Variants in RNF149 observed in about 807,000 individuals in gnomAD.
RNF149 encodes E3 ubiquitin-protein ligase RNF149.
RNF149 carries 21 observed loss-of-function variants against 39.0 expected under a neutral mutation model. That is an observed-to-expected ratio of 0.54 (90% CI 0.38 to 0.77). The LOEUF (loss-of-function observed/expected upper bound fraction) is 0.77. Among genes scored for constraint, RNF149 ranks in the 30% least tolerant of loss-of-function variants. The pLI is 0.00. For synonymous variants in RNF149, 209 were observed against 213.6 expected, an observed-to-expected ratio of 0.98 and a Z score of 0.19; for missense variants, 493 against 534.9, an observed-to-expected ratio of 0.92 and a Z score of 0.77.
intron 5 of RNF149, among the ~76,000 whole-genome samples, chr2:101,282,937 C>T (rs572601068): frequency 6.6e-6 from 1 of 152,262 alleles, no homozygotes; most frequent in East Asian, 1.9e-4. Context: ...TCCTGACACA[C>T]CAAGCAACAA....
chr2:101,274,864 G>A (rs900861080), downstream of RNF149, among the ~76,000 whole-genome samples: 4 of 152,062 alleles, frequency 2.6e-5, no homozygotes, highest in Non-Finnish European at 4.4e-5. Flanking sequence ...TCGGCTCACC[G>A]CAACCTCTGC....
chr2:101,277,026 ACT>A lies in RNF149; in HGVS notation c.*210_*211del, dbSNP rs1682370696. On this transcript the variant is annotated 3_prime_UTR_variant, in exon 7 of 7. Transcript: ENST00000295317. Reference sequence around the variant, plus strand: ...AAGCAACACACTGTTCATGGTAAACACTCTATTTTAGTAGATAAATATATGAG... The same window carrying A: ...AAGCAACACACTGTTCATGGTAAACACTATTTTAGTAGATAAATATATGAG... 6 of 1,312,342 alleles carry A rather than the reference ACT, an allele frequency of 4.6e-6. No homozygotes were observed. In the South Asian group the frequency reaches 6.5e-5, roughly 14 times the overall value. 81.3% of individuals were successfully genotyped at this position (1,312,342 alleles called of 1,614,324 possible). A position where few individuals can be genotyped will look rare whatever the true frequency, so the allele number is the denominator to read the frequency against.
At chr2:101,279,677 A>G (rs1291683555) in intron 6 of RNF149, among the ~76,000 whole-genome samples, 1 of 152,210 alleles carries the variant, frequency 6.6e-6, no homozygotes, top group Non-Finnish European at 1.5e-5. Context: ...AATCGCTACA[A>G]TTTTATAATT....
At chr2:101,302,363 T>G (rs1683486118) in intron 1 of RNF149, among the ~76,000 whole-genome samples, 1 of 152,164 alleles carries the variant, frequency 6.6e-6, no homozygotes, top group Non-Finnish European at 1.5e-5. Flanking sequence ...GGTGAATTCA[T>G]CAATATGAAT....
Position 101,295,046 on chromosome 2 carries a change from T to C in RNF149, c.596A>G (p.Gln199Arg). 11 of 1,614,200 alleles carry C rather than the reference T, an allele frequency of 6.8e-6. No homozygotes were observed. The highest frequency in any genetic ancestry group is 9.3e-6 in the Non-Finnish European group (11 of 1,180,042). ...TRHVQEFISG[Q>R]SVVFVAIAFI... Reference sequence around the variant, plus strand: ...GGCAATGGCCACAAACACCACAGACTGACCGCTGATGAACTCCTGTACATG... The same window carrying C: ...GGCAATGGCCACAAACACCACAGACCGACCGCTGATGAACTCCTGTACATG... Residue 199 changes from glutamine (Q) to arginine (R), a missense_variant, in exon 2 of 7, where the codon CAG (glutamine) becomes CGG (arginine). Gln to Arg is a conservative substitution (Grantham distance 43, BLOSUM62 1). Transcript: ENST00000295317.
chr2:101,283,303 T>C (rs1682663253), intron 5 of RNF149, among the ~76,000 whole-genome samples: 1 of 152,100 alleles, frequency 6.6e-6, no homozygotes, highest in African/African-American at 2.4e-5. Context: ...CAAGAGCCCA[T>C]GAGGGGAGGG....
chr2:101,294,150 C>A, intron 2 of RNF149, 68 bp from the exon 3 acceptor site: 1 of 893,538 alleles, frequency 1.1e-6, no homozygotes, highest in Non-Finnish European at 1.8e-6. Context: ...TCTTAAAAGT[C>A]ACAAATATAA....
intron 1 of RNF149, among the ~76,000 whole-genome samples, chr2:101,299,881 G>A (rs1271401750): frequency 6.6e-6 from 1 of 152,198 alleles, no homozygotes. Flanking sequence ...AAAGTCTGAA[G>A]ACCCAGCTCC....
At chr2:101,273,549 T>C (rs1359802665), downstream of RNF149, among the ~76,000 whole-genome samples, 1 of 150,902 alleles carries the variant, frequency 6.6e-6, no homozygotes, top group African/African-American at 2.4e-5. Flanking sequence ...CACAGCTCAC[T>C]GCAGCCTCAA....
downstream of RNF149, among the ~76,000 whole-genome samples, chr2:101,275,431 CTTTTTTT>C (rs59154104): frequency 1.1e-4 from 3 of 26,580 alleles, no homozygotes; most frequent in African/African-American, 4.6e-4. Flanking sequence ...CCTAGTATTT[CTTTTTTT>C]TTTTTTTTTT....
chr2:101,286,568 A>G (rs1331741462), intron 4 of RNF149: 2 of 160,994 alleles, frequency 1.2e-5, no homozygotes, highest in African/African-American at 4.8e-5. Flanking sequence ...AAATAACAAC[A>G]AAAATATTAA....
chr2:101,306,420 C>A (rs1683661948), intron 1 of RNF149, among the ~76,000 whole-genome samples: 1 of 152,140 alleles, frequency 6.6e-6, no homozygotes, highest in Non-Finnish European at 1.5e-5. Flanking sequence ...CAAACGCAGC[C>A]TGGGTACCGT....
At chr2:101,275,124 T>G (rs1268472717), downstream of RNF149, among the ~76,000 whole-genome samples, 1 of 130,316 alleles carries the variant, frequency 7.7e-6, no homozygotes, top group African/African-American at 2.9e-5. Context: ...TTTTTTTTTT[T>G]TTTTTTTTTT....
downstream of RNF149, chr2:101,271,262 G>A (rs1392047925): frequency 6.6e-6 from 1 of 152,164 alleles, no homozygotes; most frequent in Non-Finnish European, 1.5e-5. Context: ...AGCTTACAAG[G>A]AATAGTGGTT....
intron 1 of RNF149, among the ~76,000 whole-genome samples, chr2:101,300,933 C>T (rs1462215191): frequency 6.6e-6 from 1 of 152,162 alleles, no homozygotes; most frequent in Non-Finnish European, 1.5e-5. Context: ...GATGCATCGC[C>T]GCCTCTCTGG....
Position 101,276,355 on chromosome 2 carries a change from T to C in RNF149, c.*883A>G, listed in dbSNP as rs1023364872. 9 of 985,850 alleles carry C rather than the reference T, an allele frequency of 9.1e-6. No individual in the cohort carries two copies. Among genetic ancestry groups the C allele is most frequent in the Non-Finnish European group, 1.1e-5 (9 of 829,922 alleles). The allele number at this position is 985,850 out of a possible 1,614,324, so 61.1% of individuals were successfully genotyped here. On this transcript the variant is annotated 3_prime_UTR_variant, in exon 7 of 7. Coordinates refer to ENST00000295317, the MANE Select transcript of RNF149 (RefSeq NM_173647.4). Reference sequence around the variant, plus strand: ...GAAACGGTTAAGCAAGGTCATGGTATTAAATCTGCTTAAACTCTAATCAAG... The same window carrying C: ...GAAACGGTTAAGCAAGGTCATGGTACTAAATCTGCTTAAACTCTAATCAAG...
intron 1 of RNF149, 105 bp downstream of exon 1, chr2:101,308,024 C>G (rs919173317): frequency 2.7e-6 from 4 of 1,486,876 alleles, no homozygotes; most frequent in Non-Finnish European, 3.6e-6. Flanking sequence ...GCCTGAGAGC[C>G]GTGCCAGGCC....
intron 1 of RNF149, among the ~76,000 whole-genome samples, chr2:101,299,556 G>C (rs1403636770): frequency 6.6e-6 from 1 of 152,182 alleles, no homozygotes; most frequent in East Asian, 1.9e-4. Context: ...CACTTTGCAA[G>C]CTAGAAGTCT....
chr2:101,299,724 C>T (rs1486830943), intron 1 of RNF149, among the ~76,000 whole-genome samples: 4 of 152,186 alleles, frequency 2.6e-5, no homozygotes, highest in South Asian at 2.1e-4. Flanking sequence ...ACTGATACCA[C>T]GTTCTTTGTG....
Sources: allele counts gnomAD v4.1 joint callset (sites outside exome capture counted in the v4.1 genomes callset), GRCh38; gene constraint gnomAD v4.1.1; transcripts MANE v1.5; gene names NCBI Gene and HGNC (gene_info 2026-07-23, HGNC 2026-07-21).